Variants in MYO6 observed in about 807,000 individuals in gnomAD.
MYO6 encodes unconventional myosin-VI.
A neutral mutation model predicts 178.7 loss-of-function variants in MYO6; 74 were observed. That is an observed-to-expected ratio of 0.41 (90% CI 0.34 to 0.50). The LOEUF (loss-of-function observed/expected upper bound fraction) is 0.50. Among genes scored for constraint, MYO6 ranks in the 20% least tolerant of loss-of-function variants. MYO6 has a pLI of 0.09. For synonymous variants in MYO6, 477 were observed against 504.6 expected, an observed-to-expected ratio of 0.95 and a Z score of 0.73; for missense variants, 1,330 against 1,547.4, an observed-to-expected ratio of 0.86 and a Z score of 2.36.
chr6:75,751,995 C>CT (rs1239585313), intron 1 of MYO6, among the ~76,000 whole-genome samples: 217 of 142,436 alleles, frequency 1.5e-3, no homozygotes, highest in Middle Eastern at 3.7e-3. Context: ...TTTATTTATT[C>CT]TTTTTTTTTT....
chr6:75,805,778 C>T (rs73462806), intron 1 of MYO6, among the ~76,000 whole-genome samples: 1 of 152,044 alleles, frequency 6.6e-6, no homozygotes, highest in Non-Finnish European at 1.5e-5. Flanking sequence ...TTTCCTTAAC[C>T]CCAATAATTC....
At chr6:75,905,590 G>T (rs186505296) in intron 30 of MYO6, among the ~76,000 whole-genome samples, 1 of 152,184 alleles carries the variant, frequency 6.6e-6, no homozygotes, top group Non-Finnish European at 1.5e-5. Flanking sequence ...CACACGGTGC[G>T]CGCACCCACT....
At chr6:75,770,991 CTTTTTTTTTTCT>C (rs1024911316) in intron 1 of MYO6, among the ~76,000 whole-genome samples, 2 of 145,592 alleles carry the variant, frequency 1.4e-5, no homozygotes, top group African/African-American at 5.0e-5. Flanking sequence ...GATAACAGCA[CTTTTTTTTTTCT>C]TTTTTTTTTT....
intron 1 of MYO6, among the ~76,000 whole-genome samples, chr6:75,797,089 T>C (rs2312940): frequency 0.28 from 42,435 of 152,022 alleles, 7,403 homozygotes; most frequent in Admixed American, 0.45. Flanking sequence ...TTTATTTATT[T>C]ATTTAATTTT....
At position 75,914,234 on chromosome 6, in the gene MYO6, G is replaced by A. The variant is rs757272222; in HGVS notation, c.3611G>A (p.Arg1204Gln). 8 of 1,614,120 alleles carry A rather than the reference G, an allele frequency of 5.0e-6. No individual in the cohort carries two copies. Among genetic ancestry groups the A allele is most frequent in the Non-Finnish European group, 4.2e-6 (5 of 1,180,032 alleles). ...YAHFDGPWIA[R>Q]QMELHPDKPP... is the part of the protein sequence containing the mutation. ...CATTTTGATGGACCATGGATTGCCC[G>A]GCAAATGGAACTCCATCCTGACAAG... is the stretch of plus-strand genomic sequence containing the variant. The change falls in exon 34 of 35, where the codon CGG (arginine) becomes CAG (glutamine). Residue 1204 changes from arginine to glutamine, a missense_variant. Arg to Gln is a conservative substitution (Grantham distance 43). Transcript: ENST00000369977.
At chr6:75,908,691 C>T in intron 32 of MYO6, 64 bp downstream of exon 32, 1 of 1,537,454 alleles carries the variant, frequency 6.5e-7, no homozygotes, top group Non-Finnish European at 9.0e-7. Context: ...TGTATCTGTA[C>T]TTAAGACATG....
chr6:75,765,754 T>C (rs1778362054), intron 1 of MYO6, among the ~76,000 whole-genome samples: 1 of 151,982 alleles, frequency 6.6e-6, no homozygotes, highest in Non-Finnish European at 1.5e-5. Flanking sequence ...AAGGCTAGGC[T>C]CAGTGATTTA....
chr6:75,894,762 T>C, intron 28 of MYO6: 3 of 1,299,506 alleles, frequency 2.3e-6, no homozygotes, highest in Non-Finnish European at 3.2e-6. Flanking sequence ...AAAAAATGTA[T>C]ATATTATAGA....
chr6:75,876,632 T>C (rs1211667577), intron 20 of MYO6, among the ~76,000 whole-genome samples: 1 of 152,200 alleles, frequency 6.6e-6, no homozygotes, highest in Non-Finnish European at 1.5e-5. Flanking sequence ...GTGGAGAGGG[T>C]ATAGGCTACT....
rs1210153162 is a variant in MYO6, at chr6:75,917,776, A to G, written c.*2764A>G. The G allele has an allele frequency of 6.6e-6, 1 of 152,662 alleles. No homozygotes were observed. The highest frequency in any genetic ancestry group is 6.5e-5 in the Admixed American group (1 of 15,282). 9.5% of individuals were successfully genotyped at this position (152,662 alleles called of 1,614,324 possible). A position where few individuals can be genotyped will look rare whatever the true frequency, so the allele number is the denominator to read the frequency against. ...AGAGAATAGCAATCCACAGGCAAGA[A>G]TAATGGTATTGTTTGTAGAGCTTTA... On this transcript the variant is annotated 3_prime_UTR_variant, in exon 35 of 35. Transcript: ENST00000369977.
chr6:75,769,698 G>A (rs1411656813), intron 1 of MYO6, among the ~76,000 whole-genome samples: 3 of 152,094 alleles, frequency 2.0e-5, no homozygotes, highest in African/African-American at 4.8e-5. Flanking sequence ...TCAGGAGATC[G>A]AGACCATCCT....
chr6:75,858,110 A>C (rs1335798222), intron 13 of MYO6, among the ~76,000 whole-genome samples: 2 of 152,102 alleles, frequency 1.3e-5, no homozygotes, highest in Non-Finnish European at 2.9e-5. Flanking sequence ...TTTTAGCATA[A>C]CACATACAAA....
At chr6:75,897,271 A>T (rs913484811) in intron 29 of MYO6, among the ~76,000 whole-genome samples, 1 of 152,238 alleles carries the variant, frequency 6.6e-6, no homozygotes, top group Non-Finnish European at 1.5e-5. Flanking sequence ...AATCTGCTGC[A>T]TTTAAAAGTG....
chr6:75,821,046 A>C (rs1292827139), intron 2 of MYO6, among the ~76,000 whole-genome samples: 1 of 152,204 alleles, frequency 6.6e-6, no homozygotes, highest in African/African-American at 2.4e-5. Context: ...GAAAACAATT[A>C]ATGAAACATT....
At chr6:75,893,072 AT>A (rs1779030297) in intron 28 of MYO6, among the ~76,000 whole-genome samples, 1 of 152,096 alleles carries the variant, frequency 6.6e-6, no homozygotes. Context: ...AGTGTAATGT[AT>A]TTGTAGTTGA....
In MYO6 at chr6:75,801,226, T is replaced by C. The variant is rs558522390; in HGVS notation, c.-47-16275T>C. ...GGAGGTGTCAGGAAATTTACAATCA[T>C]GGCAGAAAGTGAAGGGGAAGCAAGC... On this transcript the variant is annotated intron_variant, in intron 1 of 34. Coordinates refer to ENST00000369977, the MANE Select transcript of MYO6 (RefSeq NM_004999.4). 5.9e-5 allele frequency among the ~76,000 whole-genome samples: 9 copies of C among 152,064 alleles called. No homozygotes were observed. The South Asian group carries it at 1.9e-3, about 32-fold the overall frequency.
intron 30 of MYO6, 119 bp downstream of exon 30, chr6:75,898,530 G>T: frequency 1.2e-6 from 1 of 829,818 alleles, no homozygotes. Flanking sequence ...TATGTAAAGT[G>T]ATATTTCTTT....
intron 19 of MYO6, 151 bp from the exon 20 acceptor site, chr6:75,873,056 A>G (rs1777274937): frequency 2.9e-6 from 2 of 678,110 alleles, no homozygotes; most frequent in Non-Finnish European, 5.2e-6. Context: ...TACAGGCATG[A>G]GCCACTGCTC....
chr6:75,862,620 G>A lies in MYO6; in HGVS notation c.1571G>A (p.Gly524Glu). ...GATTTAATTGAAGCCAAATTAGTGG[G>A]AATACTGGATATTTTGGATGAAGAA... ...CIDLIEAKLVGILDILDEENR... is the reference protein window; with the variant it reads ...CIDLIEAKLVEILDILDEENR... Residue 524 changes from glycine (G) to glutamate (E), a missense_variant, in exon 16 of 35, where the codon GGA (glycine) becomes GAA (glutamate). Transcript: ENST00000369977. 6.2e-7 allele frequency: 1 copy of A among 1,613,626 alleles called. No homozygotes were observed. The highest frequency in any genetic ancestry group is 8.5e-7 in the Non-Finnish European group (1 of 1,179,636).
Sources: allele counts gnomAD v4.1 joint callset (sites outside exome capture counted in the v4.1 genomes callset), GRCh38; gene constraint gnomAD v4.1.1; transcripts MANE v1.5; gene names NCBI Gene and HGNC (gene_info 2026-07-23, HGNC 2026-07-21).